STEAP3: variants seen among roughly 807,000 people sequenced by gnomAD.
STEAP3 encodes the protein metalloreductase STEAP3.
In STEAP3, 35 loss-of-function variants were observed where a neutral mutation model predicts 34.9. The ratio of observed to expected loss-of-function variants is 1.00; its 90% CI spans 0.76 to 1.33. STEAP3 has a LOEUF of 1.33. Ranked by LOEUF, STEAP3 falls within the 40% of genes most tolerant of loss-of-function variation. The pLI, the probability that STEAP3 is intolerant of heterozygous loss-of-function variation, is 0.00. For missense variants in STEAP3, 652 were observed against 667.6 expected, an observed-to-expected ratio of 0.98 and a Z score of 0.26; for synonymous variants, 281 against 301.6, an observed-to-expected ratio of 0.93 and a Z score of 0.71.
At chr2:119,250,845 C>T (rs1677603444) in intron 4 of STEAP3, among the ~76,000 whole-genome samples, 1 of 152,194 alleles carries the variant, frequency 6.6e-6, no homozygotes, top group South Asian at 2.1e-4. Context: ...TTTAGGGCTG[C>T]AGGCCCTGGT....
chr2:119,246,110 T>G, intron 3 of STEAP3, 122 bp downstream of exon 3: 3 of 1,311,404 alleles, frequency 2.3e-6, no homozygotes, highest in Non-Finnish European at 3.1e-6. Context: ...ACTGCAAAAT[T>G]CCATTTTACA....
intron 1 of STEAP3, among the ~76,000 whole-genome samples, chr2:119,225,124 T>A (rs62159638): frequency 0.045 from 6,824 of 152,308 alleles, 172 homozygotes; most frequent in Middle Eastern, 0.058. Context: ...CTCAGTCACC[T>A]GCAAGGCTTG....
At chr2:119,262,093 T>C (rs893902837) in intron 5 of STEAP3, among the ~76,000 whole-genome samples, 2 of 152,166 alleles carry the variant, frequency 1.3e-5, no homozygotes, top group African/African-American at 4.8e-5. Flanking sequence ...GGGCTTTCTA[T>C]ACGGTGCCAG....
chr2:119,258,432 T>C lies in STEAP3; in HGVS notation c.1215+3584T>C, dbSNP rs746514744. 2.0e-5 allele frequency among the ~76,000 whole-genome samples: 3 copies of C among 152,122 alleles called. No individual in the cohort carries two copies. The East Asian group carries it at 5.8e-4, about 29-fold the overall frequency. The stretch of plus-strand genomic sequence containing the variant: ...CAGCCTCATTTTACCCAGCCCCCCA[T>C]TCAGGTGAAGTCTCTCTGGTTTGAA... On this transcript the variant is annotated intron_variant, in intron 5 of 5. Coordinates refer to ENST00000393110, the MANE Select transcript of STEAP3 (RefSeq NM_182915.3).
At position 119,245,525 on chromosome 2, in the gene STEAP3, T is replaced by A. The variant is rs767285173; in HGVS notation, c.59T>A (p.Ile20Asn). ...CCAGAAGAGATGGACAAGCCACTGA[T>A]CAGCCTCCACCTGGTGGACAGCGAT... The part of the protein sequence containing the change: ...KMPEEMDKPL[I>N]SLHLVDSDSS... Residue 20 changes from isoleucine to asparagine, a missense_variant, in exon 3 of 6, where the codon ATC (isoleucine) becomes AAC (asparagine). Coordinates refer to ENST00000393110, the MANE Select transcript of STEAP3 (RefSeq NM_182915.3). 1.3e-6 allele frequency: 2 copies of A among 1,594,652 alleles called. No homozygotes were observed. The highest frequency in any genetic ancestry group is 1.7e-6 in the Non-Finnish European group (2 of 1,164,522).
At chr2:119,231,545 T>C (rs1205350928) in intron 2 of STEAP3, among the ~76,000 whole-genome samples, 1 of 152,122 alleles carries the variant, frequency 6.6e-6, no homozygotes, top group Admixed American at 6.5e-5. Flanking sequence ...AATCTAGCTG[T>C]TTGTAAAAAG....
rs918201355 is a variant in STEAP3 at position 119,245,283 on chromosome 2, G to A, written c.23-206G>A. ...AGGGTGGAGGGCAGAAGTCATCCCT[G>A]CTCTTCCTGAGTCTGTGCTCTCCCC... On this transcript the variant is annotated intron_variant, in intron 2 of 5. Transcript: ENST00000393110. 6.4e-6 allele frequency: 4 copies of A among 628,812 alleles called. 1 individual carries two copies. The highest frequency in any genetic ancestry group is 1.8e-5 in the African/African-American group (1 of 55,310). The allele number at this position is 628,812 out of a possible 1,614,324, so 39.0% of individuals were successfully genotyped here.
intron 2 of STEAP3, among the ~76,000 whole-genome samples, chr2:119,242,057 A>T (rs1189471665): frequency 1.3e-5 from 2 of 152,080 alleles, no homozygotes; most frequent in Non-Finnish European, 2.9e-5. Flanking sequence ...GTCTTATTCA[A>T]GCCCCCTTTC....
At chr2:119,256,053 C>G (rs1215381594) in intron 5 of STEAP3, among the ~76,000 whole-genome samples, 1 of 152,212 alleles carries the variant, frequency 6.6e-6, no homozygotes, top group Non-Finnish European at 1.5e-5. Flanking sequence ...AATGCTGTAT[C>G]CTGCCATTGT....
At chr2:119,257,614 G>A (rs1424628859) in intron 5 of STEAP3, 3 of 1,503,182 alleles carry the variant, frequency 2.0e-6, no homozygotes, top group Non-Finnish European at 2.7e-6. Context: ...ACCCCATATG[G>A]TCATCAAGAG....
Position 119,251,936 on chromosome 2 carries a change from T to C in STEAP3, c.1051-2748T>C, listed in dbSNP as rs115860122. ...TCTGTTGCATTTTGTAAATACTTTT[T>C]TATTATTTTTCTTACACACTACTTC... On this transcript the variant is annotated intron_variant, in intron 4 of 5. Coordinates refer to ENST00000393110, the MANE Select transcript of STEAP3 (RefSeq NM_182915.3). Among the ~76,000 whole-genome samples the C allele has an allele frequency of 8.4e-3, 1,275 of 152,284 alleles. 16 individuals carry two copies. The highest frequency in any genetic ancestry group is 0.029 in the African/African-American group (1,203 of 41,552).
chr2:119,259,652 C>T lies in STEAP3; in HGVS notation c.1216-3405C>T, dbSNP rs373524135. On this transcript the variant is annotated intron_variant, in intron 5 of 5. Coordinates refer to ENST00000393110, the MANE Select transcript of STEAP3 (RefSeq NM_182915.3). ...GCCCAGAGTGCCCAGCAAAATTCAT[C>T]ACTCTCCAGATCAGGGGCTGGGGAC... Among the ~76,000 whole-genome samples the T allele has an allele frequency of 5.9e-5, 9 of 152,362 alleles. No homozygotes were observed. The East Asian group carries it at 1.4e-3, about 23-fold the overall frequency.
chr2:119,261,018 G>A (rs1437502588), intron 5 of STEAP3, among the ~76,000 whole-genome samples: 4 of 152,230 alleles, frequency 2.6e-5, no homozygotes, highest in African/African-American at 9.6e-5. Context: ...CTGTGAAATT[G>A]TAGTGTGCAG....
chr2:119,251,976 G>A (rs1452569120), intron 4 of STEAP3, among the ~76,000 whole-genome samples: 1 of 152,034 alleles, frequency 6.6e-6, no homozygotes, highest in Non-Finnish European at 1.5e-5. Context: ...CCGACTCAGA[G>A]GTCCATGACT....
Position 119,230,740 on chromosome 2 carries a change from G to A in STEAP3, c.-273G>A. On this transcript the variant is annotated 5_prime_UTR_variant, in exon 2 of 6. Coordinates refer to ENST00000393110, the MANE Select transcript of STEAP3 (RefSeq NM_182915.3). ...CCCGTGAGGTTTCCTCCCCGAGCAG[G>A]AAGCAGCAGGCCAGAGCTGCGCTCT... is the stretch of plus-strand genomic sequence containing the variant. The A allele has an allele frequency of 1.8e-6, 1 of 558,750 alleles. No homozygotes were observed. The highest frequency in any genetic ancestry group is 2.9e-5 in the East Asian group (1 of 34,114). 34.6% of individuals were successfully genotyped at this position (558,750 alleles called of 1,614,324 possible). A position where few individuals can be genotyped will look rare whatever the true frequency, so the allele number is the denominator to read the frequency against.
In STEAP3 at chr2:119,263,529, A is replaced by T. The variant is rs948060137; in HGVS notation, c.*191A>T. ...TACACACATATGTGTATATGTATTT[A>T]CATATATTCCACATATATAACAGGA... On this transcript the variant is annotated 3_prime_UTR_variant, in exon 6 of 6. Transcript: ENST00000393110. The T allele has an allele frequency of 5.3e-6, 4 of 747,714 alleles. No homozygotes were observed. The African/African-American group carries it at 7.1e-5, about 13-fold the overall frequency. The allele number at this position is 747,714 out of a possible 1,614,324, so 46.3% of individuals were successfully genotyped here.
rs1450199028 is a variant in STEAP3 at position 119,263,769 on chromosome 2, C to G, written c.*431C>G. 3.2e-6 allele frequency: 1 copy of G among 308,534 alleles called. No homozygotes were observed. The highest frequency in any genetic ancestry group is 2.2e-5 in the African/African-American group (1 of 44,482). 19.1% of individuals were successfully genotyped at this position (308,534 alleles called of 1,614,324 possible). A position where few individuals can be genotyped will look rare whatever the true frequency, so the allele number is the denominator to read the frequency against. ...CCCCACAACTTCCCTTTTGCTACTTCCCCAAGGCTCTTGCAGAGCTAGGGC... is the reference window on the plus strand; with the variant it reads ...CCCCACAACTTCCCTTTTGCTACTTGCCCAAGGCTCTTGCAGAGCTAGGGC... On this transcript the variant is annotated 3_prime_UTR_variant, in exon 6 of 6. Transcript: ENST00000393110.
intron 5 of STEAP3, among the ~76,000 whole-genome samples, chr2:119,262,613 A>G (rs1677975433): frequency 6.6e-6 from 1 of 152,168 alleles, no homozygotes; most frequent in Non-Finnish European, 1.5e-5. Flanking sequence ...CCTGGGCTCA[A>G]GCAGTCCACC....
Position 119,245,986 on chromosome 2 carries a change from C to A in STEAP3, c.520C>A (p.Gln174Lys). Residue 174 changes from glutamine to lysine, a missense_variant and splice_region_variant, in exon 3 of 6, where the codon CAG becomes AAG. Gln to Lys is a moderately conservative substitution (Grantham distance 53). Transcript: ENST00000393110. ...GGCTGGCCCAAGGGATGGTAACAGG[C>A]AGGTAGGTTCTGGGGGAATAATACC... Reference protein sequence around the residue: ...LQAGPRDGNRQVPICGDQPEA... With the variant: ...LQAGPRDGNRKVPICGDQPEA... The A allele has an allele frequency of 6.2e-7, 1 of 1,610,326 alleles. No homozygotes were observed.
Sources: allele counts gnomAD v4.1 joint callset (sites outside exome capture counted in the v4.1 genomes callset), GRCh38; gene constraint gnomAD v4.1.1; transcripts MANE v1.5; gene names NCBI Gene and HGNC (gene_info 2026-07-23, HGNC 2026-07-21).